The following DENND1A variants were observed in gnomAD, a reference collection of about 807,000 sequenced individuals.
DENND1A encodes DENN domain containing 1A, also known as DENN domain-containing protein 1A.
A neutral mutation model predicts 113.7 loss-of-function variants in DENND1A; 51 were observed. That is an observed-to-expected ratio of 0.45 (90% CI 0.36 to 0.57). The LOEUF is 0.57. Among genes scored for constraint, DENND1A ranks in the 20% least tolerant of loss-of-function variants. The pLI is 0.00. For synonymous variants in DENND1A, 565 were observed against 570.8 expected (o/e 0.99, Z 0.14); for missense variants, 1,258 against 1,395.9 (o/e 0.90, Z 1.57).
chr9:123,722,496 C>A (rs1396883448), intron 5 of DENND1A, among the ~76,000 whole-genome samples: 1 of 152,178 alleles, frequency 6.6e-6, no homozygotes, highest in East Asian at 1.9e-4. Context: ...TTTGCGACAG[C>A]TCCTTCCATC....
At chr9:123,532,412 C>A (rs1158352689) in intron 13 of DENND1A, among the ~76,000 whole-genome samples, 1 of 152,196 alleles carries the variant, frequency 6.6e-6, no homozygotes, top group Non-Finnish European at 1.5e-5. Flanking sequence ...CTTTAGCCTC[C>A]TTTAATCTAG....
chr9:123,662,134 A>G (rs1203514267), intron 8 of DENND1A, among the ~76,000 whole-genome samples: 1 of 152,224 alleles, frequency 6.6e-6, no homozygotes, highest in Non-Finnish European at 1.5e-5. Flanking sequence ...GATGGTTACA[A>G]TAAGTAAATC....
intron 2 of DENND1A, among the ~76,000 whole-genome samples, chr9:123,820,032 T>A (rs1838208810): frequency 6.6e-6 from 1 of 152,054 alleles, no homozygotes; most frequent in Admixed American, 6.6e-5. Flanking sequence ...AAGAAAATGA[T>A]GAAACAATAT....
At position 123,740,899 on chromosome 9, in the gene DENND1A, T is replaced by TGAGAGAGTGAGAGAGAGAGAGAGAGA. The variant is rs2068953709; in HGVS notation, c.302+16803_302+16804insTCTCTCTCTCTCTCTCTCACTCTCTC. 3.8e-4 allele frequency among the ~76,000 whole-genome samples: 41 copies of TGAGAGAGTGAGAGAGAGAGAGAGAGA among 108,926 alleles called. 1 individual carries two copies. Among genetic ancestry groups the TGAGAGAGTGAGAGAGAGAGAGAGAGA allele is most frequent in the African/African-American group, 1.4e-3 (38 of 26,864 alleles). The allele number at this position is 108,926 out of a possible 152,430, so 71.5% of individuals were successfully genotyped here. On this transcript the variant is annotated intron_variant, in intron 5 of 23. Transcript: ENST00000394215. ...AAGAAAGATGCTGAGGAAGGGAAAGTGAGAGAGAGAGAGAGAGAGAGAGAG... is the reference window on the plus strand; with the variant it reads ...AAGAAAGATGCTGAGGAAGGGAAAGTGAGAGAGTGAGAGAGAGAGAGAGAGAGAGAGAGAGAGAGAGAGAGAGAGAG...
At chr9:123,787,819 A>C (rs548846581) in intron 3 of DENND1A, among the ~76,000 whole-genome samples, 1 of 152,326 alleles carries the variant, frequency 6.6e-6, no homozygotes, top group South Asian at 2.1e-4. Context: ...CCATGTTTCT[A>C]CATTGCTTAT....
chr9:123,453,233 C>T (rs2047867533), intron 16 of DENND1A, among the ~76,000 whole-genome samples: 1 of 152,124 alleles, frequency 6.6e-6, no homozygotes, highest in Non-Finnish European at 1.5e-5. Context: ...ATTACAACAG[C>T]GTGTGATGAC....
intron 8 of DENND1A, among the ~76,000 whole-genome samples, chr9:123,663,097 T>C (rs2063326716): frequency 6.6e-6 from 1 of 152,254 alleles, no homozygotes; most frequent in Non-Finnish European, 1.5e-5. Flanking sequence ...TACATGTTTT[T>C]AAGCCATTAA....
At chr9:123,424,782 T>G (rs1343353105) in intron 19 of DENND1A, among the ~76,000 whole-genome samples, 1 of 152,252 alleles carries the variant, frequency 6.6e-6, no homozygotes, top group Admixed American at 6.5e-5. Flanking sequence ...CATAACTGCA[T>G]CAGTCTTAGA....
intron 12 of DENND1A, among the ~76,000 whole-genome samples, chr9:123,564,145 C>T (rs2057919304): frequency 6.6e-6 from 1 of 152,212 alleles, no homozygotes; most frequent in South Asian, 2.1e-4. Flanking sequence ...AACCATCATC[C>T]TATTCTTTAG....
chr9:123,493,999 T>C (rs2051629222), intron 13 of DENND1A, among the ~76,000 whole-genome samples: 1 of 152,158 alleles, frequency 6.6e-6, no homozygotes, highest in Admixed American at 6.5e-5. Context: ...CCAGGGATGC[T>C]ACATCCCAGG....
At chr9:123,434,242 G>C (rs2046353630) in intron 19 of DENND1A, among the ~76,000 whole-genome samples, 1 of 152,188 alleles carries the variant, frequency 6.6e-6, no homozygotes, top group African/African-American at 2.4e-5. Context: ...GGCCAGGCTG[G>C]TCTTGAACTC....
At chr9:123,594,869 GGAAAGA>G (rs1450414115) in intron 11 of DENND1A, among the ~76,000 whole-genome samples, 1 of 152,174 alleles carries the variant, frequency 6.6e-6, no homozygotes, top group African/African-American at 2.4e-5. Flanking sequence ...TAGGAGGAAA[GGAAAGA>G]GAAATAAGAG....
intron 8 of DENND1A, among the ~76,000 whole-genome samples, chr9:123,655,480 T>A (rs549966528): frequency 6.6e-6 from 1 of 152,112 alleles, no homozygotes; most frequent in Non-Finnish European, 1.5e-5. Context: ...TACTCAGTAA[T>A]GGTGAAGAAC....
At chr9:123,488,897 G>A (rs980114420) in intron 13 of DENND1A, among the ~76,000 whole-genome samples, 11 of 152,244 alleles carry the variant, frequency 7.2e-5, no homozygotes, top group South Asian at 4.1e-4. Context: ...CGAGCCACCC[G>A]GGAAAGACAG....
intron 3 of DENND1A, among the ~76,000 whole-genome samples, chr9:123,788,722 A>G (rs1185503457): frequency 2.0e-5 from 3 of 152,100 alleles, no homozygotes; most frequent in Non-Finnish European, 2.9e-5. Flanking sequence ...AAATTTTCCA[A>G]TTGGCTTTTA....
chr9:123,802,393 A>C (rs1458936514), intron 2 of DENND1A, among the ~76,000 whole-genome samples: 1 of 81,472 alleles, frequency 1.2e-5, no homozygotes, highest in East Asian at 3.6e-4. Context: ...TACCACACCA[A>C]CACCACCACC....
intron 19 of DENND1A, among the ~76,000 whole-genome samples, chr9:123,433,986 G>A (rs1036162003): frequency 3.9e-5 from 6 of 152,186 alleles, no homozygotes; most frequent in East Asian, 1.9e-4. Context: ...AAAATGAGAC[G>A]GGATCTAAAT....
chr9:123,687,017 C>G (rs1449635228), intron 5 of DENND1A, among the ~76,000 whole-genome samples: 1 of 152,126 alleles, frequency 6.6e-6, no homozygotes, highest in African/African-American at 2.4e-5. Flanking sequence ...CAATGCCTTT[C>G]CTTGGCAACT....
chr9:123,567,627 C>T (rs769799411), intron 12 of DENND1A, among the ~76,000 whole-genome samples: 120 of 152,280 alleles, frequency 7.9e-4, no homozygotes, highest in Non-Finnish European at 3.4e-4. Flanking sequence ...GAGCAAAAGC[C>T]ACCTTTCCAT....
Sources: allele counts gnomAD v4.1 joint callset (sites outside exome capture counted in the v4.1 genomes callset), GRCh38; gene constraint gnomAD v4.1.1; transcripts MANE v1.5; gene names NCBI Gene and HGNC (gene_info 2026-07-23, HGNC 2026-07-21).